Variants in MGST1 observed in about 807,000 individuals in gnomAD.
MGST1 encodes glutathione S-transferase 12.
In MGST1, 5 loss-of-function variants were observed where a neutral mutation model predicts 8.9. That is an observed-to-expected ratio of 0.56 (90% CI 0.29 to 1.19). MGST1 has a LOEUF of 1.19. Ranked by LOEUF, MGST1 falls within the 50% of genes most tolerant of loss-of-function variation. The pLI is 0.08. For synonymous variants in MGST1, 54 were observed against 67.8 expected, an observed-to-expected ratio of 0.80 and a Z score of 1.00; for missense variants, 182 against 187.4, an observed-to-expected ratio of 0.97 and a Z score of 0.17.
intron 1 of MGST1, among the ~76,000 whole-genome samples, chr12:16,416,099 T>C (rs1267891850): frequency 6.6e-6 from 1 of 152,190 alleles, no homozygotes; most frequent in Non-Finnish European, 1.5e-5. Flanking sequence ...CCATTTTCAT[T>C]TGGTTCTTTA....
chr12:16,560,331 GAATATAATTTCCACCTA>G lies in MGST1; in HGVS notation n.483-29196_483-29180del. 7.1e-7 allele frequency: 1 copy of G among 1,417,548 alleles called. No homozygotes were observed. 87.8% of individuals were successfully genotyped at this position (1,417,548 alleles called of 1,614,324 possible). ...CTGAGATTGATTGCTTTAAATGTAT[GAATATAATTTCCACCTA>G]TTAAATAAATAGCCAGCACAGAGAG... On this transcript the variant is annotated intron_variant and non_coding_transcript_variant, in intron 4 of 4. Transcript: ENST00000538857. This position sits in a 1 kb window ranked among gnomAD's most constrained non-coding sequence, Gnocchi z 5.0.
chr12:16,582,128 AGTAAATTTTCTTAATCATATTTAACTG>A lies in MGST1; in HGVS notation n.483-7397_483-7371del, dbSNP rs540684906. On this transcript the variant is annotated intron_variant and non_coding_transcript_variant, in intron 4 of 4. Transcript: ENST00000538857. The surrounding 1 kb of genome is among the most constrained non-coding windows in gnomAD (Gnocchi z 4.1). ...TTTTATAAATTTGCAGTTAGGTTTC[AGTAAATTTTCTTAATCATATTTAACTG>A]GTTTCTTCCTGTTTCTCTTTATTTG... Among the ~76,000 whole-genome samples the A allele has an allele frequency of 8.9e-4, 135 of 152,288 alleles. No individual in the cohort carries two copies. Among genetic ancestry groups the A allele is most frequent in the African/African-American group, 3.1e-3 (129 of 41,590 alleles).
chr12:16,393,627 A>G (rs1198538037), intron 1 of MGST1, among the ~76,000 whole-genome samples: 1 of 152,210 alleles, frequency 6.6e-6, no homozygotes, highest in East Asian at 1.9e-4. Context: ...ATGCCCTCTG[A>G]TCTTGAGGGA....
chr12:16,586,841 T>A lies in MGST1; in HGVS notation n.483-2687T>A, dbSNP rs1943338892. 6.6e-6 allele frequency among the ~76,000 whole-genome samples: 1 copy of A among 152,192 alleles called. No homozygotes were observed. Among genetic ancestry groups the A allele is most frequent in the Non-Finnish European group, 1.5e-5 (1 of 68,042 alleles). Reference sequence around the variant, plus strand: ...AGCCATACACAGTTGGCATCAAATATTACTGGATGACAGATTTGTTTTTAA... The same window carrying A: ...AGCCATACACAGTTGGCATCAAATAATACTGGATGACAGATTTGTTTTTAA... On this transcript the variant is annotated intron_variant and non_coding_transcript_variant, in intron 4 of 4. Coordinates refer to the MGST1 transcript ENST00000538857. The surrounding 1 kb of genome is among the most constrained non-coding windows in gnomAD (Gnocchi z 4.3).
intron 4 of MGST1, among the ~76,000 whole-genome samples, chr12:16,447,983 C>T (rs964915283): frequency 1.3e-5 from 2 of 151,854 alleles, no homozygotes; most frequent in Admixed American, 1.3e-4. Flanking sequence ...CTTGTATGTT[C>T]TGATGAATAC....
At chr12:16,426,204 T>G (rs1163281677) in intron 1 of MGST1, among the ~76,000 whole-genome samples, 1 of 152,218 alleles carries the variant, frequency 6.6e-6, no homozygotes, top group Non-Finnish European at 1.5e-5. Flanking sequence ...CATCTCTTAC[T>G]CCTCACTATA....
At chr12:16,481,454 A>G (rs1017074454) in intron 4 of MGST1, among the ~76,000 whole-genome samples, 3 of 152,240 alleles carry the variant, frequency 2.0e-5, no homozygotes, top group Non-Finnish European at 4.4e-5. Context: ...AAGAGAAAAC[A>G]AAATTGAAGA....
intron 4 of MGST1, among the ~76,000 whole-genome samples, chr12:16,481,781 AT>A (rs903960947): frequency 2.6e-5 from 4 of 152,098 alleles, no homozygotes; most frequent in Non-Finnish European, 4.4e-5. Flanking sequence ...AAATAATTTG[AT>A]CATAGTTTCA....
chr12:16,378,053 G>T (rs1286625394), downstream of MGST1, among the ~76,000 whole-genome samples: 1 of 151,828 alleles, frequency 6.6e-6, no homozygotes, highest in Non-Finnish European at 1.5e-5. Flanking sequence ...TTAGCCCTTT[G>T]TCAGATGAGT....
downstream of MGST1, among the ~76,000 whole-genome samples, chr12:16,380,016 C>A (rs1452404693): frequency 6.6e-6 from 1 of 152,066 alleles, no homozygotes; most frequent in African/African-American, 2.4e-5. Flanking sequence ...TTTTTTATTG[C>A]ATCTATTTGA....
chr12:16,471,055 T>G (rs1322638391), intron 4 of MGST1, among the ~76,000 whole-genome samples: 1 of 152,260 alleles, frequency 6.6e-6, no homozygotes, highest in Non-Finnish European at 1.5e-5. Flanking sequence ...TAAAAGTTCT[T>G]TGTCTTTGAT....
intron 4 of MGST1, among the ~76,000 whole-genome samples, chr12:16,506,608 C>A (rs930437411): frequency 6.6e-6 from 1 of 152,194 alleles, no homozygotes; most frequent in Admixed American, 6.6e-5. Context: ...AGCCTGCATA[C>A]TGGCCATCTG....
At chr12:16,434,837 A>AT (rs1233874855) in intron 1 of MGST1, among the ~76,000 whole-genome samples, 1 of 151,874 alleles carries the variant, frequency 6.6e-6, no homozygotes, top group Admixed American at 6.6e-5. Flanking sequence ...CCGTTGTGTG[A>AT]TTTTCTCATA....
In MGST1 at chr12:16,587,900, A is replaced by G. The variant is rs927587812; in HGVS notation, n.483-1628A>G. On this transcript the variant is annotated intron_variant and non_coding_transcript_variant, in intron 4 of 4. Coordinates refer to the MGST1 transcript ENST00000538857. The surrounding 1 kb of genome is among the most constrained non-coding windows in gnomAD (Gnocchi z 4.3). ...AGAAAAAGTCCACAAGCATTGCTACATTTCTCATGAAAGAAAACCTTGATT... is the reference window on the plus strand; with the variant it reads ...AGAAAAAGTCCACAAGCATTGCTACGTTTCTCATGAAAGAAAACCTTGATT... Among the ~76,000 whole-genome samples the G allele has an allele frequency of 1.3e-5, 2 of 152,276 alleles. No individual in the cohort carries two copies.
At chr12:16,402,508 C>T (rs1940666638) in intron 1 of MGST1, 2 of 1,148,276 alleles carry the variant, frequency 1.7e-6, no homozygotes, top group Non-Finnish European at 2.6e-6. Flanking sequence ...ATCCCGCACT[C>T]TTATTCTTGG....
chr12:16,560,635 T>A lies in MGST1; in HGVS notation n.483-28893T>A. 3 of 1,062,876 alleles carry A rather than the reference T, an allele frequency of 2.8e-6. No homozygotes were observed. In the South Asian group the frequency reaches 4.6e-5, roughly 16 times the overall value. 65.8% of individuals were successfully genotyped at this position (1,062,876 alleles called of 1,614,324 possible). On this transcript the variant is annotated intron_variant and non_coding_transcript_variant, in intron 4 of 4. Transcript: ENST00000538857. This position sits in a 1 kb window ranked among gnomAD's most constrained non-coding sequence, Gnocchi z 5.0. The stretch of plus-strand genomic sequence containing the variant: ...GTTAATATACTCTGTAAAGCTACAA[T>A]ACACAATGCTTTATGATGTACACAA...
intron 4 of MGST1, among the ~76,000 whole-genome samples, chr12:16,474,241 G>T (rs1359872438): frequency 6.6e-6 from 1 of 152,146 alleles, no homozygotes; most frequent in South Asian, 2.1e-4. Context: ...ATACCCAATA[G>T]CAAGAAGGCA....
intron 4 of MGST1, among the ~76,000 whole-genome samples, chr12:16,475,101 T>G (rs1033656932): frequency 3.3e-5 from 5 of 152,190 alleles, no homozygotes; most frequent in African/African-American, 1.2e-4. Context: ...TACAATCATG[T>G]GTGGATTACA....
chr12:16,552,770 G>C (rs1009450633), intron 4 of MGST1, among the ~76,000 whole-genome samples: 1 of 152,028 alleles, frequency 6.6e-6, no homozygotes, highest in Admixed American at 6.5e-5. Context: ...TGGATACAAT[G>C]AACATTCAAG....
Sources: gnomAD v4.1 joint callset for allele counts (sites outside exome capture counted in the v4.1 genomes callset) on GRCh38, gnomAD v4.1.1 for gene constraint, Gnocchi (gnomAD v3.1) non-coding constraint, MANE v1.5 for transcripts, NCBI Gene and HGNC (gene_info 2026-07-23, HGNC 2026-07-21) for gene names.